Variants in PARG observed in about 807,000 individuals in gnomAD.
PARG encodes mitochondrial poly(ADP-ribose) glycohydrolase.
A neutral mutation model predicts 113.0 loss-of-function variants in PARG; 35 were observed. The observed-to-expected ratio is 0.31, with a 90% CI of 0.24 to 0.41. The LOEUF (loss-of-function observed/expected upper bound fraction) is 0.41. Among genes scored for constraint, PARG ranks in the 10% least tolerant of loss-of-function variants. The pLI, the probability that PARG is intolerant of heterozygous loss-of-function variation, is 1.00. For missense variants in PARG, 797 were observed against 1,169.4 expected (o/e 0.68, Z 4.64); for synonymous variants, 330 against 409.9 (o/e 0.81, Z 2.36).
intron 7 of PARG, among the ~76,000 whole-genome samples, chr10:49,905,023 G>A (rs1170309143): frequency 2.0e-5 from 3 of 152,236 alleles, no homozygotes; most frequent in Non-Finnish European, 4.4e-5. Context: ...GGGAAAGAGG[G>A]ACAAGGCCAG....
intron 1 of PARG, among the ~76,000 whole-genome samples, chr10:49,935,966 A>AG (rs1838720725): frequency 6.6e-6 from 1 of 152,154 alleles, no homozygotes. Flanking sequence ...GATAAATCTG[A>AG]GGGGCAAGAG....
intron 16 of PARG, among the ~76,000 whole-genome samples, chr10:49,830,478 TAA>T (rs1322855607): frequency 6.6e-6 from 1 of 152,192 alleles, no homozygotes; most frequent in African/African-American, 2.4e-5. Context: ...ACATAAAAGC[TAA>T]CTCAGTAACT....
In PARG at chr10:49,819,248, T is replaced by C. The variant is rs1275895903; in HGVS notation, c.*92A>G. The C allele has an allele frequency of 9.7e-7, 1 of 1,029,532 alleles. No individual in the cohort carries two copies. Among genetic ancestry groups the C allele is most frequent in the South Asian group, 1.7e-5 (1 of 60,308 alleles). The allele number at this position is 1,029,532 out of a possible 1,614,324, so 63.8% of individuals were successfully genotyped here. ...CAAATGTGGATTATGTACACATTTA[T>C]ATTAACTTAAGTCAATTCATATATT... is the stretch of plus-strand genomic sequence containing the variant. On this transcript the variant is annotated 3_prime_UTR_variant, in exon 18 of 18. Coordinates refer to ENST00000616448, the MANE Select transcript of PARG (RefSeq NM_003631.5).
chr10:49,833,942 G>C (rs1315668481), intron 15 of PARG, among the ~76,000 whole-genome samples: 1 of 152,036 alleles, frequency 6.6e-6, no homozygotes, highest in Non-Finnish European at 1.5e-5. Context: ...ATATTAAATT[G>C]TTCTTTGAAG....
At chr10:49,882,628 A>C (rs1227310007) in intron 8 of PARG, among the ~76,000 whole-genome samples, 2 of 152,072 alleles carry the variant, frequency 1.3e-5, no homozygotes, top group Non-Finnish European at 2.9e-5. Context: ...AAAATTTCTC[A>C]TTAAATAAAA....
At chr10:49,846,374 T>A (rs1485315079) in intron 13 of PARG, among the ~76,000 whole-genome samples, 4 of 36,894 alleles carry the variant, frequency 1.1e-4, no homozygotes, top group African/African-American at 5.9e-4. Flanking sequence ...GATAGACATG[T>A]TTTTTTTTTT....
At chr10:49,907,697 G>A (rs1427760513) in intron 7 of PARG, among the ~76,000 whole-genome samples, 3 of 150,720 alleles carry the variant, frequency 2.0e-5, no homozygotes, top group African/African-American at 7.4e-5. Flanking sequence ...AGGAACATAA[G>A]AAGAATAAAT....
intron 15 of PARG, among the ~76,000 whole-genome samples, chr10:49,838,386 A>T (rs1203635310): frequency 7.0e-6 from 1 of 142,518 alleles, no homozygotes; most frequent in Admixed American, 7.4e-5. Flanking sequence ...AGCCGAGATC[A>T]TGCCATTGCA....
intron 7 of PARG, among the ~76,000 whole-genome samples, chr10:49,908,255 T>C (rs1293274688): frequency 9.9e-5 from 15 of 152,282 alleles, no homozygotes; most frequent in Non-Finnish European, 1.3e-4. Context: ...TTAGAAATCA[T>C]AAATCATAAA....
intron 16 of PARG, among the ~76,000 whole-genome samples, chr10:49,828,958 C>T (rs1844511588): frequency 1.3e-5 from 2 of 152,194 alleles, no homozygotes; most frequent in South Asian, 4.1e-4. Context: ...ATTTTGCCAG[C>T]CGGGCACGGT....
Position 49,842,069 on chromosome 10 carries a change from A to G in PARG, c.2433-11T>C, listed in dbSNP as rs148932507. The G allele has an allele frequency of 6.1e-4, 931 of 1,529,408 alleles. 4 individuals carry two copies. In the East Asian group the frequency reaches 0.018, roughly 30 times the overall value. 94.7% of individuals were successfully genotyped at this position (1,529,408 alleles called of 1,614,324 possible). A position where few individuals can be genotyped will look rare whatever the true frequency, so the allele number is the denominator to read the frequency against. On this transcript the variant is annotated splice_polypyrimidine_tract_variant and intron_variant, in intron 14 of 17. Coordinates refer to ENST00000616448, the MANE Select transcript of PARG (RefSeq NM_003631.5). ...CGCTGCCAGTCGTCCCTGGGACAGG[A>G]AGGAAAGGGGAGAAAAGATAAGGAA...
chr10:49,864,171 G>C (rs1342782298), intron 11 of PARG, among the ~76,000 whole-genome samples: 3 of 152,014 alleles, frequency 2.0e-5, no homozygotes, highest in Non-Finnish European at 2.9e-5. Context: ...TTACAGAGCT[G>C]ATCAAGAGTT....
rs149661463 is a variant in PARG at position 49,896,063 on chromosome 10, G to A, written c.1738-10768C>T. Among the ~76,000 whole-genome samples, 589 of 152,210 alleles carry A rather than the reference G, an allele frequency of 3.9e-3. 7 individuals carry two copies. Among genetic ancestry groups the A allele is most frequent in the African/African-American group, 0.014 (567 of 41,534 alleles). The stretch of plus-strand genomic sequence containing the variant: ...GAAACAGTTTTACTTCTTCCTTTCT[G>A]ATTTTCAAACATTTTATTTCTTTTT... On this transcript the variant is annotated intron_variant, in intron 7 of 17. Coordinates refer to ENST00000616448, the MANE Select transcript of PARG (RefSeq NM_003631.5).
chr10:49,835,280 A>T (rs1554830905), intron 15 of PARG, among the ~76,000 whole-genome samples: 1 of 152,134 alleles, frequency 6.6e-6, no homozygotes, highest in Non-Finnish European at 1.5e-5. Context: ...ACTTGAGAAG[A>T]CTCATCAGAA....
At chr10:49,876,507 A>G (rs1248734665) in intron 9 of PARG, among the ~76,000 whole-genome samples, 55 of 151,940 alleles carry the variant, frequency 3.6e-4, no homozygotes, top group Middle Eastern at 3.4e-3. Context: ...TTATTAAATT[A>G]TATCTTTCTT....
intron 4 of PARG, among the ~76,000 whole-genome samples, chr10:49,931,423 A>C (rs1237610281): frequency 6.6e-6 from 1 of 152,056 alleles, no homozygotes; most frequent in African/African-American, 2.4e-5. Context: ...TGCTAAGATC[A>C]GTGCTTGGGA....
intron 4 of PARG, among the ~76,000 whole-genome samples, chr10:49,926,677 C>A (rs1838182345): frequency 6.6e-6 from 1 of 152,222 alleles, no homozygotes. Flanking sequence ...AGCCTTGCTT[C>A]CTTAACCAAT....
At chr10:49,885,157 A>G in intron 8 of PARG, 46 bp downstream of exon 8, 1 of 1,027,898 alleles carries the variant, frequency 9.7e-7, no homozygotes, top group Non-Finnish European at 1.5e-6. Flanking sequence ...AGGGAAATTC[A>G]ATTGGCAGTC....
intron 16 of PARG, 62 bp from the exon 17 acceptor site, chr10:49,820,355 C>T: frequency 8.4e-7 from 1 of 1,191,946 alleles, no homozygotes; most frequent in East Asian, 2.6e-5. Context: ...ACCTTTAGCT[C>T]TTTACCAGCT....
Sources: gnomAD v4.1 joint callset for allele counts (sites outside exome capture counted in the v4.1 genomes callset) on GRCh38, gnomAD v4.1.1 for gene constraint, MANE v1.5 for transcripts, NCBI Gene and HGNC (gene_info 2026-07-23, HGNC 2026-07-21) for gene names.